Variants in CPSF2 observed in about 807,000 individuals in gnomAD.
CPSF2 encodes the protein cleavage and polyadenylation specific factor 2.
A neutral mutation model predicts 84.2 loss-of-function variants in CPSF2; 51 were observed. That is an observed-to-expected ratio of 0.61 (90% CI 0.48 to 0.77). The LOEUF (loss-of-function observed/expected upper bound fraction) is 0.77. Ranked by LOEUF, CPSF2 falls within the 30% of genes least tolerant of loss-of-function variation. The pLI is 0.00. For missense variants in CPSF2, 641 were observed against 929.4 expected (o/e 0.69, Z 4.03); for synonymous variants, 286 against 311.9 (o/e 0.92, Z 0.87).
intron 9 of CPSF2, among the ~76,000 whole-genome samples, chr14:92,143,751 A>G (rs894176868): frequency 1.3e-5 from 2 of 151,558 alleles, no homozygotes; most frequent in Non-Finnish European, 2.9e-5. Context: ...AACCATAGAC[A>G]TGTGCCACCA....
In CPSF2 at chr14:92,154,452, CAA is replaced by C; in HGVS notation, c.1238_1239del (p.Lys413ArgfsTer8). 6.3e-7 allele frequency: 1 copy of C among 1,593,974 alleles called. No individual in the cohort carries two copies. Among genetic ancestry groups the C allele is most frequent in the Non-Finnish European group, 8.5e-7 (1 of 1,170,094 alleles). ...GAAGCTGCCAAAAAGCTTGAGCAGT[CAA>C]AAGAGTGAGTCATTTTCAGACAGAT... On this transcript the variant is annotated frameshift_variant, in exon 10 of 16. Transcript: ENST00000298875. LOFTEE classifies it high-confidence loss of function.
chr14:92,152,655 T>G (rs1161113893), intron 9 of CPSF2, among the ~76,000 whole-genome samples: 1 of 151,876 alleles, frequency 6.6e-6, no homozygotes, highest in South Asian at 2.1e-4. Context: ...GCCAGGCTGG[T>G]CTCGGACTCC....
chr14:92,170,280 T>C lies in CPSF2; in HGVS notation c.*8536T>C, dbSNP rs2069501456. The C allele has an allele frequency of 6.6e-6, 1 of 152,226 alleles. No homozygotes were observed. Among genetic ancestry groups the C allele is most frequent in the African/African-American group, 2.4e-5 (1 of 41,454 alleles). The allele number at this position is 152,226 out of a possible 1,614,324, so 9.4% of individuals were successfully genotyped here. ...ATATCCTTCCCCTAGATTCTTCTAT[T>C]GTTAACATCTTGCCATATTTTCCAT... On this transcript the variant is annotated 3_prime_UTR_variant, in exon 16 of 16. Transcript: ENST00000298875.
rs1046484054 is a variant in CPSF2 at position 92,164,970 on chromosome 14, C to T, written c.*3226C>T. 15 of 152,350 alleles carry T rather than the reference C, an allele frequency of 9.8e-5. 1 individual carries two copies. The highest frequency in any genetic ancestry group is 3.6e-4 in the African/African-American group (15 of 41,574). 9.4% of individuals were successfully genotyped at this position (152,350 alleles called of 1,614,324 possible). ...ATGACCCCTGGCAGCCATTAATCTACTTTCTGTCTCCTTGAATTTGGATTT... is the reference window on the plus strand; with the variant it reads ...ATGACCCCTGGCAGCCATTAATCTATTTTCTGTCTCCTTGAATTTGGATTT... On this transcript the variant is annotated 3_prime_UTR_variant, in exon 16 of 16. Coordinates refer to ENST00000298875, the MANE Select transcript of CPSF2 (RefSeq NM_017437.3).
intron 1 of CPSF2, among the ~76,000 whole-genome samples, chr14:92,125,388 G>A (rs2068832721): frequency 6.6e-6 from 1 of 152,164 alleles, no homozygotes; most frequent in African/African-American, 2.4e-5. Context: ...ATGTCGCAGA[G>A]CTATAAAATA....
intron 7 of CPSF2, among the ~76,000 whole-genome samples, chr14:92,141,311 A>G (rs1458976316): frequency 6.6e-6 from 1 of 152,140 alleles, no homozygotes; most frequent in African/African-American, 2.4e-5. Context: ...AGTATATAGG[A>G]GGATGTACGT....
At chr14:92,129,935 A>C (rs1192763603) in intron 2 of CPSF2, among the ~76,000 whole-genome samples, 1 of 151,708 alleles carries the variant, frequency 6.6e-6, no homozygotes, top group Non-Finnish European at 1.5e-5. Context: ...TTTTGTAGAG[A>C]CAGGGTCTCA....
Position 92,161,664 on chromosome 14 carries a change from C to T in CPSF2, c.2269C>T (p.Arg757Cys), listed in dbSNP as rs774938949. The change falls in exon 16 of 16, where the codon CGC becomes TGC. Residue 757 changes from arginine (R) to cysteine (C), a missense_variant. Transcript: ENST00000298875. ...QVAVRRTETG[R>C]IGLEGCLCQD... Reference sequence around the variant, plus strand: ...ATTTGGTTTCTAGACGGAAACTGGACGCATTGGATTAGAAGGCTGCCTTTG... The same window carrying T: ...ATTTGGTTTCTAGACGGAAACTGGATGCATTGGATTAGAAGGCTGCCTTTG... The T allele has an allele frequency of 2.5e-6, 4 of 1,583,872 alleles. No individual in the cohort carries two copies. The highest frequency in any genetic ancestry group is 2.6e-6 in the Non-Finnish European group (3 of 1,170,936).
At chr14:92,136,263 T>C (rs1193302392) in intron 6 of CPSF2, among the ~76,000 whole-genome samples, 1 of 152,218 alleles carries the variant, frequency 6.6e-6, no homozygotes, top group Non-Finnish European at 1.5e-5. Context: ...TTAAGAAATA[T>C]TTAAGACAAA....
intron 2 of CPSF2, among the ~76,000 whole-genome samples, chr14:92,127,419 G>A (rs1440125309): frequency 2.0e-5 from 3 of 152,168 alleles, no homozygotes; most frequent in Non-Finnish European, 4.4e-5. Flanking sequence ...TATATCACTG[G>A]AAGTGTTTTA....
At chr14:92,143,531 A>AC (rs996751346) in intron 9 of CPSF2, among the ~76,000 whole-genome samples, 1 of 150,488 alleles carries the variant, frequency 6.6e-6, no homozygotes, top group Non-Finnish European at 1.5e-5. Context: ...GCCAAGACCC[A>AC]CCCCCCATCT....
intron 9 of CPSF2, among the ~76,000 whole-genome samples, chr14:92,149,120 A>G (rs1012501020): frequency 1.3e-5 from 2 of 152,202 alleles, no homozygotes; most frequent in African/African-American, 4.8e-5. Context: ...TTTTCATAAT[A>G]CTGGTAAGAT....
At position 92,161,708 on chromosome 14, in the gene CPSF2, A is replaced by G. The variant is rs759241673; in HGVS notation, c.2313A>G (p.Ile771Met). 1 of 1,595,962 alleles carries G rather than the reference A, an allele frequency of 6.3e-7. No individual in the cohort carries two copies. Among genetic ancestry groups the G allele is most frequent in the Non-Finnish European group, 8.5e-7 (1 of 1,173,378 alleles). ...GCCTTTGTCAAGATTTTTATAGGAT[A>G]AGAGACCTTTTATATGAACAATATG... ...EGCLCQDFYRIRDLLYEQYAI... is the reference protein window; with the variant it reads ...EGCLCQDFYRMRDLLYEQYAI... Residue 771 changes from isoleucine to methionine, a missense_variant, in exon 16 of 16, where the codon ATA becomes ATG. Around this residue, in one of 2 missense-constraint regions of CPSF2, gnomAD observed 430 missense variants for 553.6 expected, o/e 0.78. Coordinates refer to ENST00000298875, the MANE Select transcript of CPSF2 (RefSeq NM_017437.3).
chr14:92,131,718 A>C (rs2068933619), intron 3 of CPSF2, among the ~76,000 whole-genome samples: 1 of 152,050 alleles, frequency 6.6e-6, no homozygotes, highest in Non-Finnish European at 1.5e-5. Flanking sequence ...GTGCACCTAT[A>C]ATCCCAGCTA....
chr14:92,133,286 G>A (rs958106806), intron 3 of CPSF2, among the ~76,000 whole-genome samples: 3 of 151,784 alleles, frequency 2.0e-5, no homozygotes, highest in African/African-American at 7.3e-5. Context: ...GGGAGTGGTG[G>A]CACATGCCTG....
rs371213615 is a variant in CPSF2, at chr14:92,135,387, A to G, written c.436A>G (p.Ile146Val). 44 of 1,613,488 alleles carry G rather than the reference A, an allele frequency of 2.7e-5. No individual in the cohort carries two copies. In the South Asian group the frequency reaches 2.7e-4, roughly 10 times the overall value. The stretch of plus-strand genomic sequence containing the variant: ...CATAGGTAAAGGACATGGCCTGTCT[A>G]TCACACCTCTGCCAGCTGGTCATAT... The part of the protein sequence containing the change: ...NLKGKGHGLS[I>V]TPLPAGHMIG... The change falls in exon 6 of 16, where the codon ATC becomes GTC. Residue 146 changes from isoleucine (I) to valine (V), a missense_variant. Ile to Val is a conservative substitution (Grantham distance 29). Coordinates refer to ENST00000298875, the MANE Select transcript of CPSF2 (RefSeq NM_017437.3).
intron 7 of CPSF2, among the ~76,000 whole-genome samples, chr14:92,140,825 G>A (rs2069068775): frequency 6.6e-6 from 1 of 151,904 alleles, no homozygotes; most frequent in Non-Finnish European, 1.5e-5. Context: ...GGGGTGGGAG[G>A]ATTGCTTGAG....
chr14:92,124,182 G>T (rs1404456506), intron 1 of CPSF2, among the ~76,000 whole-genome samples: 8 of 152,236 alleles, frequency 5.3e-5, no homozygotes, highest in Non-Finnish European at 1.2e-4. Context: ...AGATCAGCTT[G>T]TGAAGGATCT....
At position 92,161,943 on chromosome 14, in the gene CPSF2, A is replaced by C. The variant is rs1048013092; in HGVS notation, c.*199A>C. 9.0e-6 allele frequency: 4 copies of C among 445,414 alleles called. No homozygotes were observed. The Admixed American group carries it at 1.8e-4, about 20-fold the overall frequency. The allele number at this position is 445,414 out of a possible 1,614,324, so 27.6% of individuals were successfully genotyped here. Reference sequence around the variant, plus strand: ...GAGCATTCTATCTTTTGGCTTTCAGAGTGATAGAGCTCCTAACAGGTGTAC... The same window carrying C: ...GAGCATTCTATCTTTTGGCTTTCAGCGTGATAGAGCTCCTAACAGGTGTAC... On this transcript the variant is annotated 3_prime_UTR_variant, in exon 16 of 16. Transcript: ENST00000298875.
Sources: gnomAD v4.1 joint callset for allele counts (sites outside exome capture counted in the v4.1 genomes callset) on GRCh38, gnomAD v4.1.1 for gene constraint, gnomAD v4.1.1 regional missense constraint, MANE v1.5 for transcripts, NCBI Gene and HGNC (gene_info 2026-07-23, HGNC 2026-07-21) for gene names.